Variants in WDR72 observed in about 807,000 individuals in gnomAD.
The protein encoded by WDR72 is WD repeat-containing protein 72.
WDR72 carries 120 observed loss-of-function variants against 124.2 expected under a neutral mutation model. That is an observed-to-expected ratio of 0.97 (90% confidence interval 0.83 to 1.12). WDR72 has a LOEUF of 1.12. WDR72 is among the 50% of genes most tolerant of loss of function. WDR72 has a pLI of 0.00. For missense variants in WDR72, 1,387 were observed against 1,278.8 expected, an observed-to-expected ratio of 1.08 and a Z score of -1.29; for synonymous variants, 452 against 441.7, an observed-to-expected ratio of 1.02 and a Z score of -0.29.
intron 2 of WDR72, among the ~76,000 whole-genome samples, chr15:53,727,226 T>TAAA (rs57976197): frequency 0.071 from 8,880 of 125,586 alleles, 1,143 homozygotes; most frequent in African/African-American, 0.26. Context: ...AGACTCTGTC[T>TAAA]AAAAAAAAAA....
intron 16 of WDR72, among the ~76,000 whole-genome samples, chr15:53,609,843 TACACACAC>T (rs72440914): frequency 1.3e-5 from 2 of 150,114 alleles, no homozygotes; most frequent in East Asian, 2.0e-4. Flanking sequence ...TGTACATTTA[TACACACAC>T]ACACACACAC....
At chr15:53,568,410 G>A (rs4457943) in intron 18 of WDR72, among the ~76,000 whole-genome samples, 27,681 of 151,722 alleles carry the variant, frequency 0.18, 4,680 homozygotes, top group African/African-American at 0.45. Context: ...TGTGACAGAC[G>A]CTATTTGAAC....
chr15:53,519,494 G>A, intron 19 of WDR72, among the ~76,000 whole-genome samples: 1 of 152,086 alleles, frequency 6.6e-6, no homozygotes, highest in Non-Finnish European at 1.5e-5. Flanking sequence ...TGCCAGTGAA[G>A]GAGCAAGTAG....
chr15:53,676,136 C>T (rs1353385970), intron 13 of WDR72, among the ~76,000 whole-genome samples: 3 of 152,162 alleles, frequency 2.0e-5, no homozygotes, highest in African/African-American at 7.2e-5. Flanking sequence ...TCTCTTCACA[C>T]TTCCTTTCTA....
At chr15:53,552,966 A>C (rs1341192727) in intron 18 of WDR72, among the ~76,000 whole-genome samples, 1 of 152,142 alleles carries the variant, frequency 6.6e-6, no homozygotes. Flanking sequence ...AAAGGTTCAA[A>C]TCATAGCCAA....
At chr15:53,675,071 C>T (rs1242722203) in intron 13 of WDR72, among the ~76,000 whole-genome samples, 7 of 152,290 alleles carry the variant, frequency 4.6e-5, no homozygotes, top group South Asian at 2.1e-4. Flanking sequence ...TTTATTAACA[C>T]ACGCTAGCAG....
intron 18 of WDR72, among the ~76,000 whole-genome samples, chr15:53,529,165 T>TATATACATA (rs1555404361): frequency 1.1e-5 from 1 of 89,100 alleles, no homozygotes; most frequent in African/African-American, 4.6e-5. Flanking sequence ...TATATATATA[T>TATATACATA]TTTTTTTTTT....
intron 1 of WDR72, among the ~76,000 whole-genome samples, chr15:53,745,402 T>C (rs1178767147): frequency 2.0e-5 from 3 of 152,178 alleles, no homozygotes; most frequent in Non-Finnish European, 4.4e-5. Context: ...TTTCTTTTCT[T>C]GAAAATACTG....
At chr15:53,612,457 G>A (rs183469623) in intron 16 of WDR72, among the ~76,000 whole-genome samples, 17 of 152,152 alleles carry the variant, frequency 1.1e-4, no homozygotes, top group South Asian at 4.1e-4. Flanking sequence ...GGATGGTAGC[G>A]GGTGGAGGGT....
At chr15:53,683,417 T>C (rs752578532) in intron 13 of WDR72, among the ~76,000 whole-genome samples, 1 of 152,148 alleles carries the variant, frequency 6.6e-6, no homozygotes, top group Non-Finnish European at 1.5e-5. Context: ...GATCATTACA[T>C]ATACTGGCAT....
intron 18 of WDR72, among the ~76,000 whole-genome samples, chr15:53,581,531 G>T (rs566694543): frequency 2.6e-5 from 4 of 152,112 alleles, no homozygotes; most frequent in Non-Finnish European, 5.9e-5. Flanking sequence ...TCTAGTCATT[G>T]GTAAAAATTA....
chr15:53,732,914 T>C, intron 2 of WDR72, 83 bp downstream of exon 2: 2 of 1,518,124 alleles, frequency 1.3e-6, no homozygotes, highest in Non-Finnish European at 1.8e-6. Flanking sequence ...ATGCAAACCT[T>C]CCACTGTCAT....
chr15:53,681,822 T>C (rs2016396459), intron 13 of WDR72, among the ~76,000 whole-genome samples: 1 of 152,024 alleles, frequency 6.6e-6, no homozygotes, highest in South Asian at 2.1e-4. Flanking sequence ...AGTTGAATAA[T>C]ATCTCAATTA....
intron 2 of WDR72, among the ~76,000 whole-genome samples, chr15:53,726,285 T>TATATACAC (rs1228132828): frequency 8.7e-6 from 1 of 115,444 alleles, no homozygotes; most frequent in South Asian, 2.9e-4. Context: ...TATATATATA[T>TATATACAC]ACACACACAC....
At chr15:53,688,648 T>A (rs934091340) in intron 13 of WDR72, among the ~76,000 whole-genome samples, 3 of 152,078 alleles carry the variant, frequency 2.0e-5, no homozygotes, top group African/African-American at 7.2e-5. Context: ...CCCAAGGTAA[T>A]TTACAGATTC....
At chr15:53,679,878 A>G (rs1285234636) in intron 13 of WDR72, among the ~76,000 whole-genome samples, 1 of 151,926 alleles carries the variant, frequency 6.6e-6, no homozygotes, top group African/African-American at 2.4e-5. Flanking sequence ...ACATATGCAT[A>G]TTATATAATA....
intron 14 of WDR72, among the ~76,000 whole-genome samples, chr15:53,625,927 C>T (rs2014187795): frequency 6.6e-6 from 1 of 152,082 alleles, no homozygotes; most frequent in Non-Finnish European, 1.5e-5. Context: ...CTCCCTGATT[C>T]AGAAAAACAA....
intron 13 of WDR72, among the ~76,000 whole-genome samples, chr15:53,694,281 C>T (rs1306781420): frequency 6.6e-6 from 1 of 152,136 alleles, no homozygotes; most frequent in Non-Finnish European, 1.5e-5. Flanking sequence ...CAACTATCTT[C>T]CTATGAGCAC....
rs953814468 is a variant in WDR72, at chr15:53,514,215, C to G, written c.*3484G>C. 1 of 152,146 alleles carries G rather than the reference C, an allele frequency of 6.6e-6. No individual in the cohort carries two copies. The highest frequency in any genetic ancestry group is 2.4e-5 in the African/African-American group (1 of 41,448). 9.4% of individuals were successfully genotyped at this position (152,146 alleles called of 1,614,324 possible). ...TTAGGAAATTAAACACAACTTTTGGCACTTTACATATAAGACAACATTTTG... is the reference window on the plus strand; with the variant it reads ...TTAGGAAATTAAACACAACTTTTGGGACTTTACATATAAGACAACATTTTG... On this transcript the variant is annotated 3_prime_UTR_variant, in exon 20 of 20. Transcript: ENST00000360509.
Sources: allele counts gnomAD v4.1 joint callset (sites outside exome capture counted in the v4.1 genomes callset), GRCh38; gene constraint gnomAD v4.1.1; transcripts MANE v1.5; gene names NCBI Gene and HGNC (gene_info 2026-07-23, HGNC 2026-07-21).